The following MAP4K4 variants were observed in gnomAD, a reference collection of about 807,000 sequenced individuals.
MAP4K4 encodes HPK/GCK-like kinase HGK.
A neutral mutation model predicts 189.6 loss-of-function variants in MAP4K4; 38 were observed. That is an observed-to-expected ratio of 0.20 (90% CI 0.15 to 0.26). The LOEUF (loss-of-function observed/expected upper bound fraction) is 0.26. Ranked by LOEUF, MAP4K4 falls within the 10% of genes least tolerant of loss-of-function variation. The pLI is 1.00. For missense variants in MAP4K4, 1,054 were observed against 1,726.9 expected (o/e 0.61, Z 6.91); for synonymous variants, 610 against 624.3 (o/e 0.98, Z 0.34).
At chr2:101,783,210 T>C (rs2088671440) in intron 2 of MAP4K4, among the ~76,000 whole-genome samples, 1 of 150,798 alleles carries the variant, frequency 6.6e-6, no homozygotes, top group African/African-American at 2.5e-5. Context: ...AAAATCACCA[T>C]TTTGTTGAAG....
chr2:101,862,304 G>T (rs1302710511), intron 16 of MAP4K4: 2 of 151,170 alleles, frequency 1.3e-5, no homozygotes, highest in Non-Finnish European at 2.9e-5. Context: ...CTGTGTGAGG[G>T]TGAGTGGGTA....
chr2:101,863,704 G>C (rs1436089053), intron 16 of MAP4K4, 117 bp from the exon 17 acceptor site: 6 of 569,780 alleles, frequency 1.1e-5, no homozygotes, highest in Non-Finnish European at 1.9e-5. Context: ...ACCTAACACT[G>C]TACCACCCCG....
intron 28 of MAP4K4, among the ~76,000 whole-genome samples, chr2:101,884,632 G>A (rs1425649183): frequency 1.3e-5 from 2 of 152,192 alleles, no homozygotes; most frequent in Admixed American, 6.5e-5. Context: ...CACCAAAATA[G>A]CTATGGGAAG....
At chr2:101,708,293 T>A (rs2043475488) in intron 2 of MAP4K4, among the ~76,000 whole-genome samples, 1 of 152,214 alleles carries the variant, frequency 6.6e-6, no homozygotes, top group African/African-American at 2.4e-5. Context: ...CTCAGGTGTT[T>A]GTTTCTTTTC....
chr2:101,714,970 A>G (rs1307693183), intron 2 of MAP4K4, among the ~76,000 whole-genome samples: 1 of 152,210 alleles, frequency 6.6e-6, no homozygotes, highest in East Asian at 1.9e-4. Flanking sequence ...TGGTAAAAAT[A>G]AGAGGCTTCA....
At chr2:101,867,173 A>G (rs1168252878) in intron 19 of MAP4K4, 39 bp from the exon 20 acceptor site, 1 of 1,297,960 alleles carries the variant, frequency 7.7e-7, no homozygotes, top group Non-Finnish European at 1.1e-6. Flanking sequence ...CCATATGTTG[A>G]TATGTGTCTG....
chr2:101,716,869 C>T (rs924252387), intron 2 of MAP4K4, among the ~76,000 whole-genome samples: 1 of 152,118 alleles, frequency 6.6e-6, no homozygotes, highest in Admixed American at 6.6e-5. Context: ...TTTTTGTCTC[C>T]TTTCTTCCTT....
chr2:101,747,581 T>C (rs769015853), intron 2 of MAP4K4, among the ~76,000 whole-genome samples: 2 of 152,182 alleles, frequency 1.3e-5, no homozygotes, highest in African/African-American at 2.4e-5. Context: ...TTAGAGAAGA[T>C]CTGCACTGCA....
At position 101,866,597 on chromosome 2, in the gene MAP4K4, T is replaced by C; in HGVS notation, c.2356+18T>C. On this transcript the variant is annotated intron_variant, in intron 19 of 32. Transcript: ENST00000324219. Reference sequence around the variant, plus strand: ...AGTGAGATGTAAGCTGCCTTTCCTTTCCTTTTTCCCTGCTAATGTTTTGAG... The same window carrying C: ...AGTGAGATGTAAGCTGCCTTTCCTTCCCTTTTTCCCTGCTAATGTTTTGAG... 6.2e-7 allele frequency: 1 copy of C among 1,605,712 alleles called. No individual in the cohort carries two copies. Among genetic ancestry groups the C allele is most frequent in the Non-Finnish European group, 8.5e-7 (1 of 1,173,282 alleles).
At chr2:101,742,676 G>A (rs2063396165) in intron 2 of MAP4K4, among the ~76,000 whole-genome samples, 1 of 152,112 alleles carries the variant, frequency 6.6e-6, no homozygotes, top group African/African-American at 2.4e-5. Flanking sequence ...TCAGCTGGAG[G>A]TCTTGCTCAC....
At chr2:101,824,646 T>C (rs2149344197) in intron 4 of MAP4K4, among the ~76,000 whole-genome samples, 1 of 152,316 alleles carries the variant, frequency 6.6e-6, no homozygotes, top group South Asian at 2.1e-4. Flanking sequence ...GTTAATACTT[T>C]TTGTATCAGT....
intron 2 of MAP4K4, among the ~76,000 whole-genome samples, chr2:101,788,850 TA>T (rs2092287140): frequency 6.6e-6 from 1 of 151,970 alleles, no homozygotes; most frequent in South Asian, 2.1e-4. Flanking sequence ...CTTATGGCTT[TA>T]TTTATGTTAA....
chr2:101,808,535 A>G (rs1575944212), intron 3 of MAP4K4, among the ~76,000 whole-genome samples: 1 of 147,290 alleles, frequency 6.8e-6, no homozygotes, highest in South Asian at 2.1e-4. Context: ...CCCCTGTTAC[A>G]CCACCCTCAC....
intron 3 of MAP4K4, among the ~76,000 whole-genome samples, chr2:101,802,951 A>G (rs2094508950): frequency 6.6e-6 from 1 of 152,076 alleles, no homozygotes; most frequent in Admixed American, 6.5e-5. Flanking sequence ...ATGCCCAGCT[A>G]ATTTTTGTAT....
At chr2:101,724,580 C>G (rs1221312567) in intron 2 of MAP4K4, among the ~76,000 whole-genome samples, 1 of 152,224 alleles carries the variant, frequency 6.6e-6, no homozygotes, top group Non-Finnish European at 1.5e-5. Flanking sequence ...TCATTTGTCA[C>G]TTGGTTTGGT....
intron 2 of MAP4K4, among the ~76,000 whole-genome samples, chr2:101,785,522 G>A (rs2090180976): frequency 6.6e-6 from 1 of 152,158 alleles, no homozygotes; most frequent in Non-Finnish European, 1.5e-5. Context: ...AATGGAATTT[G>A]CCTCTCAACG....
chr2:101,860,698 T>G, intron 15 of MAP4K4, 127 bp from the exon 16 acceptor site: 1 of 745,568 alleles, frequency 1.3e-6, no homozygotes, highest in South Asian at 2.0e-5. Context: ...CAGCTACCCC[T>G]CTCTTTTCTG....
At chr2:101,699,499 T>A (rs2036908293) in intron 2 of MAP4K4, among the ~76,000 whole-genome samples, 1 of 152,206 alleles carries the variant, frequency 6.6e-6, no homozygotes, top group Admixed American at 6.5e-5. Flanking sequence ...AAGTTTAATC[T>A]GCACTGGGGG....
At chr2:101,761,346 GT>G (rs1048355765) in intron 2 of MAP4K4, among the ~76,000 whole-genome samples, 1 of 149,054 alleles carries the variant, frequency 6.7e-6, no homozygotes, top group Non-Finnish European at 1.5e-5. Context: ...AGTGTAGATT[GT>G]TTAGCTAATG....
Sources: gnomAD v4.1 joint callset for allele counts (sites outside exome capture counted in the v4.1 genomes callset) on GRCh38, gnomAD v4.1.1 for gene constraint, MANE v1.5 for transcripts, NCBI Gene and HGNC (gene_info 2026-07-23, HGNC 2026-07-21) for gene names.